VPS13B: variants seen among roughly 807,000 people sequenced by gnomAD.
The protein encoded by VPS13B is intermembrane lipid transfer protein VPS13B.
Under a neutral mutation model 426.4 loss-of-function variants are expected in VPS13B, and 285 were observed. That is an observed-to-expected ratio of 0.67 (90% confidence interval 0.61 to 0.74). VPS13B has a LOEUF of 0.74. Ranked by LOEUF, VPS13B falls within the 30% of genes least tolerant of loss-of-function variation. VPS13B has a pLI of 0.00. For missense variants in VPS13B, 4,537 were observed against 4,782.6 expected, an observed-to-expected ratio of 0.95 and a Z score of 1.51; for synonymous variants, 1,676 against 1,676.4, an observed-to-expected ratio of 1.00 and a Z score of 0.01.
chr8:99,241,622 A>G lies in VPS13B; in HGVS notation c.2516-32576A>G, dbSNP rs1221718089. 4 of 152,226 alleles carry G rather than the reference A, an allele frequency of 2.6e-5. No homozygotes were observed. In the South Asian group the frequency reaches 6.2e-4, roughly 24 times the overall value. 9.4% of individuals were successfully genotyped at this position (152,226 alleles called of 1,614,324 possible). On this transcript the variant is annotated intron_variant, in intron 17 of 61. Transcript: ENST00000357162. ...CTAGTGTTTATAAATACCAGGGATA[A>G]TATTTCCCAAGTCTATGGAAATTTT...
chr8:99,259,647 C>T lies in VPS13B; in HGVS notation c.2516-14551C>T, dbSNP rs1230722100. 2.0e-5 allele frequency among the ~76,000 whole-genome samples: 3 copies of T among 152,052 alleles called. No individual in the cohort carries two copies. In the East Asian group the frequency reaches 5.8e-4, roughly 29 times the overall value. ...GGGTGCTTTCCTGGAGAATTTGTAACCACAACTCTGTCCTCATTCAGATTT... is the reference window on the plus strand; with the variant it reads ...GGGTGCTTTCCTGGAGAATTTGTAATCACAACTCTGTCCTCATTCAGATTT... On this transcript the variant is annotated intron_variant, in intron 17 of 61. Coordinates refer to ENST00000357162, the MANE Select transcript of VPS13B (RefSeq NM_152564.5).
chr8:99,140,236 G>T (rs1407994053), intron 12 of VPS13B, among the ~76,000 whole-genome samples: 1 of 151,588 alleles, frequency 6.6e-6, no homozygotes, highest in Non-Finnish European at 1.5e-5. Flanking sequence ...GTGGTGGCAG[G>T]CGCCTGTAAT....
At chr8:99,141,446 T>C (rs971895732) in intron 12 of VPS13B, among the ~76,000 whole-genome samples, 3 of 152,106 alleles carry the variant, frequency 2.0e-5, no homozygotes. Context: ...GCTTTTTGAG[T>C]ATTTTGATTT....
chr8:99,387,881 AC>A (rs1002129071), intron 20 of VPS13B, among the ~76,000 whole-genome samples: 1 of 152,194 alleles, frequency 6.6e-6, no homozygotes. Flanking sequence ...ATAACCCCAA[AC>A]TTTTACTTCT....
At chr8:99,691,869 C>T (rs1364621899) in intron 35 of VPS13B, among the ~76,000 whole-genome samples, 1 of 142,162 alleles carries the variant, frequency 7.0e-6, no homozygotes, top group Admixed American at 7.2e-5. Context: ...AAATGGAAAA[C>T]AAAAAAAGGC....
At chr8:99,030,068 A>G (rs1220310382) in intron 2 of VPS13B, among the ~76,000 whole-genome samples, 3 of 147,296 alleles carry the variant, frequency 2.0e-5, no homozygotes, top group African/African-American at 7.5e-5. Context: ...GTTTTCAGCA[A>G]TTATTTATTT....
At chr8:99,493,849 T>C (rs1405017415) in intron 25 of VPS13B, among the ~76,000 whole-genome samples, 2 of 147,060 alleles carry the variant, frequency 1.4e-5, no homozygotes, top group East Asian at 2.0e-4. Flanking sequence ...GTAAGGACCA[T>C]ATGGACAAAG....
Position 99,817,587 on chromosome 8 carries a change from C to A in VPS13B, c.8145C>A (p.Ser2715Arg), listed in dbSNP as rs753620782. Residue 2715 changes from serine to arginine, a missense_variant, in exon 45 of 62, where the codon AGC becomes AGA. Around this residue, in one of 2 missense-constraint regions of VPS13B, gnomAD observed 4,311 missense variants for 4,474.3 expected, o/e 0.96. Transcript: ENST00000357162. ...RQIICSYLSQ[S>R]IELKVVQHYI... is the part of the protein sequence containing the mutation. ...TCATCTGTAGTTACTTGTCTCAAAG[C>A]ATAGAACTAAAAGTCGTTCAGCATT... The A allele has an allele frequency of 6.2e-7, 1 of 1,613,934 alleles. No individual in the cohort carries two copies. The highest frequency in any genetic ancestry group is 1.3e-5 in the African/African-American group (1 of 74,916).
chr8:99,249,686 G>A (rs1817403654), intron 17 of VPS13B, among the ~76,000 whole-genome samples: 1 of 152,066 alleles, frequency 6.6e-6, no homozygotes, highest in Non-Finnish European at 1.5e-5. Context: ...GCCTCCCAAA[G>A]TGCTGGGATT....
chr8:99,289,499 A>G (rs966951670), intron 19 of VPS13B, among the ~76,000 whole-genome samples: 2 of 152,124 alleles, frequency 1.3e-5, no homozygotes, highest in Admixed American at 1.3e-4. Flanking sequence ...TCAAGTTGAG[A>G]ACTAGAAAGA....
chr8:99,038,596 G>A lies in VPS13B; in HGVS notation c.291+30G>A, dbSNP rs774055832. 65 of 1,508,564 alleles carry A rather than the reference G, an allele frequency of 4.3e-5. No individual in the cohort carries two copies. In the South Asian group the frequency reaches 5.8e-4, roughly 14 times the overall value. 93.4% of individuals were successfully genotyped at this position (1,508,564 alleles called of 1,614,324 possible). Reference sequence around the variant, plus strand: ...GAAATTATTGAACCAAGTTGTTTATGTTAACTAATTTTAGTAGTATTTGAC... The same window carrying A: ...GAAATTATTGAACCAAGTTGTTTATATTAACTAATTTTAGTAGTATTTGAC... On this transcript the variant is annotated intron_variant, in intron 3 of 61. Coordinates refer to ENST00000357162, the MANE Select transcript of VPS13B (RefSeq NM_152564.5).
chr8:99,243,307 A>G (rs537362535), intron 17 of VPS13B, among the ~76,000 whole-genome samples: 2 of 152,316 alleles, frequency 1.3e-5, no homozygotes, highest in East Asian at 1.9e-4. Context: ...ACACAGTTGT[A>G]TGTTATTAGG....
chr8:99,588,355 A>G (rs976021179), intron 33 of VPS13B, among the ~76,000 whole-genome samples: 2 of 151,760 alleles, frequency 1.3e-5, no homozygotes, highest in Non-Finnish European at 2.9e-5. Flanking sequence ...TTCTGTGAAG[A>G]AAGTCATTGG....
chr8:99,281,167 G>A (rs1019349456), intron 19 of VPS13B, among the ~76,000 whole-genome samples: 1 of 152,170 alleles, frequency 6.6e-6, no homozygotes, highest in African/African-American at 2.4e-5. Flanking sequence ...TTCACAACAG[G>A]CTTTGTGCTC....
chr8:99,660,228 T>C (rs1021965834), intron 34 of VPS13B, among the ~76,000 whole-genome samples: 1 of 152,150 alleles, frequency 6.6e-6, no homozygotes, highest in African/African-American at 2.4e-5. Context: ...TGTGCCAAAT[T>C]TCATAAGGAT....
rs1465632565 is a variant in VPS13B, at chr8:99,123,548, A to G, written c.1206+2103A>G. ...AGAAGAATTATATGATCTGGGTTAT[A>G]TTTTAATCTGGATCACTGTGGCTGC... On this transcript the variant is annotated intron_variant, in intron 8 of 61. Coordinates refer to ENST00000357162, the MANE Select transcript of VPS13B (RefSeq NM_152564.5). Among the ~76,000 whole-genome samples the G allele has an allele frequency of 2.6e-5, 4 of 152,148 alleles. No individual in the cohort carries two copies. In the East Asian group the frequency reaches 5.8e-4, roughly 22 times the overall value.
chr8:99,549,791 G>T (rs554916891), intron 30 of VPS13B, among the ~76,000 whole-genome samples: 1 of 152,144 alleles, frequency 6.6e-6, no homozygotes, highest in African/African-American at 2.4e-5. Flanking sequence ...AGCCTTTTCA[G>T]GGTTTCTAGA....
intron 23 of VPS13B, among the ~76,000 whole-genome samples, chr8:99,445,461 A>T (rs1817868316): frequency 6.7e-6 from 1 of 149,336 alleles, no homozygotes; most frequent in Admixed American, 6.7e-5. Context: ...CAAGACCCTG[A>T]CTCTGTAAAT....
At chr8:99,258,078 A>T (rs894124602) in intron 17 of VPS13B, among the ~76,000 whole-genome samples, 2 of 151,534 alleles carry the variant, frequency 1.3e-5, no homozygotes, top group African/African-American at 4.8e-5. Context: ...GGATAATGCT[A>T]AATTATCATC....
Sources: allele counts gnomAD v4.1 joint callset (sites outside exome capture counted in the v4.1 genomes callset), GRCh38; gene constraint gnomAD v4.1.1; regional missense constraint gnomAD v4.1.1; transcripts MANE v1.5; gene names NCBI Gene and HGNC (gene_info 2026-07-23, HGNC 2026-07-21).